Variants in PCDHGB1 observed in about 807,000 individuals in gnomAD.
The protein encoded by PCDHGB1 is protocadherin gamma subfamily B, 1, also known as protocadherin gamma-B1.
Under a neutral mutation model 56.6 loss-of-function variants are expected in PCDHGB1, and 34 were observed. The ratio of observed to expected loss-of-function variants is 0.60; its 90% CI spans 0.46 to 0.80. The LOEUF (loss-of-function observed/expected upper bound fraction) is 0.80, where lower values mean the gene tolerates loss of function less well. Among genes scored for constraint, PCDHGB1 ranks in the 30% least tolerant of loss-of-function variants. The probability of loss-of-function intolerance (pLI) is 0.00; values close to 1 mark genes in which losing one functional copy is unlikely to be tolerated. For missense variants in PCDHGB1, 1,278 were observed against 1,204.6 expected (o/e 1.06, Z -0.90); for synonymous variants, 561 against 505.9 (o/e 1.11, Z -1.46).
chr5:141,478,857 C>A, intron 1 of PCDHGB1: 1 of 1,353,600 alleles, frequency 7.4e-7, no homozygotes, highest in Non-Finnish European at 9.8e-7. Context: ...AACACAAGAT[C>A]TCAGCGATCA....
At chr5:141,510,818 A>C in intron 3 of PCDHGB1, 129 bp from the exon 4 acceptor site, 1 of 1,551,540 alleles carries the variant, frequency 6.4e-7, no homozygotes, top group Non-Finnish European at 8.7e-7. Context: ...TGACCCCTAT[A>C]TTCCCAGTGC....
In PCDHGB1 at chr5:141,352,221, C is replaced by A; in HGVS notation, c.1961C>A (p.Ala654Asp). ...DGGQPPLSAT[A>D]TLHLIFADSL... The stretch of plus-strand genomic sequence containing the variant: ...GGACAGCCGCCACTCTCCGCCACCG[C>A]CACGCTGCACCTAATCTTCGCGGAT... The change falls in exon 1 of 4, where the codon GCC (alanine) becomes GAC (aspartate). Residue 654 changes from alanine to aspartate, a missense_variant. Ala to Asp is a moderately radical substitution (Grantham distance 126). Coordinates refer to ENST00000523390, the MANE Select transcript of PCDHGB1 (RefSeq NM_018922.3). 1 of 1,614,072 alleles carries A rather than the reference C, an allele frequency of 6.2e-7. No individual in the cohort carries two copies. Among genetic ancestry groups the A allele is most frequent in the Non-Finnish European group, 8.5e-7 (1 of 1,179,902 alleles).
intron 1 of PCDHGB1, chr5:141,360,061 T>A: frequency 6.9e-7 from 1 of 1,452,308 alleles, no homozygotes; most frequent in Non-Finnish European, 9.1e-7. Flanking sequence ...GCAGGAAAAG[T>A]GACCTTAGCC....
Position 141,491,302 on chromosome 5 carries a change from T to TC in PCDHGB1, c.2410-3504dup. The TC allele has an allele frequency of 6.2e-7, 1 of 1,614,126 alleles. No individual in the cohort carries two copies. Among genetic ancestry groups the TC allele is most frequent in the Non-Finnish European group, 8.5e-7 (1 of 1,180,000 alleles). On this transcript the variant is annotated intron_variant, in intron 1 of 3. Transcript: ENST00000523390. The surrounding 1 kb of genome is among the most constrained non-coding windows in gnomAD (Gnocchi z 6.9). ...CTTCCTCATACACCCTCCTGAGCGT[T>TC]CAGACCTTACCCTTTACCTCATTGT... is the stretch of plus-strand genomic sequence containing the variant.
chr5:141,353,225 C>T (rs188336761), intron 1 of PCDHGB1, among the ~76,000 whole-genome samples: 4 of 152,266 alleles, frequency 2.6e-5, no homozygotes, highest in East Asian at 3.9e-4. Flanking sequence ...GATGTTAACA[C>T]TTAGTAATAG....
rs777133589 is a variant in PCDHGB1, at chr5:141,390,020, C to G, written c.2409+37351C>G. The stretch of plus-strand genomic sequence containing the variant: ...CCATGATTCTGGCCATTGCCTTGCG[C>G]CTGCGACGCTCCTCCAGCCCCGCCT... On this transcript the variant is annotated intron_variant, in intron 1 of 3. Transcript: ENST00000523390. 4 of 1,613,930 alleles carry G rather than the reference C, an allele frequency of 2.5e-6. No homozygotes were observed. The African/African-American group carries it at 5.3e-5, about 22-fold the overall frequency.
intron 1 of PCDHGB1, among the ~76,000 whole-genome samples, chr5:141,475,629 C>T (rs77593456): frequency 0.054 from 8,157 of 152,234 alleles, 446 homozygotes; most frequent in African/African-American, 0.15. Flanking sequence ...TGGTTCGATC[C>T]CCTTTCTTGT....
Position 141,507,906 on chromosome 5 carries a change from G to A in PCDHGB1, c.2557+2425G>A, listed in dbSNP as rs2099864753. ...AGAGAGGTTCCTGAAGTCCAGCCCA[G>A]CCAGGCCTGTGGGGCTGCTGAGAGG... On this transcript the variant is annotated intron_variant, in intron 3 of 3. Coordinates refer to ENST00000523390, the MANE Select transcript of PCDHGB1 (RefSeq NM_018922.3). Among the ~76,000 whole-genome samples, 4 of 152,216 alleles carry A rather than the reference G, an allele frequency of 2.6e-5. No homozygotes were observed. The South Asian group carries it at 8.3e-4, about 32-fold the overall frequency.
At position 141,408,036 on chromosome 5, in the gene PCDHGB1, A is replaced by G. The variant is rs941133513; in HGVS notation, c.2409+55367A>G. On this transcript the variant is annotated intron_variant, in intron 1 of 3. Coordinates refer to ENST00000523390, the MANE Select transcript of PCDHGB1 (RefSeq NM_018922.3). ...AGCCAACAACAGAAAGAAGAAAACC[A>G]GCTCCCACACAGAGCCTCCCGGCTG... 7.9e-6 allele frequency: 9 copies of G among 1,132,718 alleles called. No individual in the cohort carries two copies. In the African/African-American group the frequency reaches 1.4e-4, roughly 18 times the overall value. The allele number at this position is 1,132,718 out of a possible 1,614,324, so 70.2% of individuals were successfully genotyped here. A position where few individuals can be genotyped will look rare whatever the true frequency, so the allele number is the denominator to read the frequency against.
chr5:141,412,940 T>C, intron 1 of PCDHGB1: 1 of 463,218 alleles, frequency 2.2e-6, no homozygotes, highest in Non-Finnish European at 3.8e-6. Flanking sequence ...CTTAGGACTC[T>C]GAGCGCCGCT....
chr5:141,389,208 G>A (rs762367131), intron 1 of PCDHGB1: 7 of 1,613,930 alleles, frequency 4.3e-6, no homozygotes, highest in Non-Finnish European at 5.9e-6. Context: ...GCACATTGGT[G>A]ATGTAAATGA....
chr5:141,366,073 C>A (rs766163319), intron 1 of PCDHGB1: 1 of 1,614,234 alleles, frequency 6.2e-7, no homozygotes, highest in South Asian at 1.1e-5. Flanking sequence ...CGCCTCGCTC[C>A]GCAGAACCTG....
chr5:141,422,910 C>T (rs756589496), intron 1 of PCDHGB1: 2 of 1,614,252 alleles, frequency 1.2e-6, no homozygotes, highest in South Asian at 1.1e-5. Context: ...ACAATGCGCC[C>T]GAGATCCTGT....
intron 1 of PCDHGB1, among the ~76,000 whole-genome samples, chr5:141,483,021 G>A (rs543104114): frequency 6.6e-6 from 1 of 152,126 alleles, no homozygotes; most frequent in East Asian, 1.9e-4. Context: ...GGAGGCAGAG[G>A]TTGCAATGAG....
Position 141,490,810 on chromosome 5 carries a change from T to C in PCDHGB1, c.2410-3997T>C, listed in dbSNP as rs2099704652. On this transcript the variant is annotated intron_variant, in intron 1 of 3. Transcript: ENST00000523390. This position sits in a 1 kb window ranked among gnomAD's most constrained non-coding sequence, Gnocchi z 5.4. ...GATCTTTGCCCAGCGTACCTTTGAC[T>C]ATGAATTGCTGCAGATGCTGCAGAT... 1 of 1,613,936 alleles carries C rather than the reference T, an allele frequency of 6.2e-7. No individual in the cohort carries two copies. Among genetic ancestry groups the C allele is most frequent in the Non-Finnish European group, 8.5e-7 (1 of 1,179,884 alleles).
In PCDHGB1 at chr5:141,476,836, T is replaced by C. The variant is rs772607917; in HGVS notation, c.2410-17971T>C. On this transcript the variant is annotated intron_variant, in intron 1 of 3. Coordinates refer to ENST00000523390, the MANE Select transcript of PCDHGB1 (RefSeq NM_018922.3). The surrounding 1 kb of genome is among the most constrained non-coding windows in gnomAD (Gnocchi z 7.6). ...TCAAGGTGCTGGACGCGAATGACAATGCGCCTGTCTTCAACCAGTCCTTGT... is the reference window on the plus strand; with the variant it reads ...TCAAGGTGCTGGACGCGAATGACAACGCGCCTGTCTTCAACCAGTCCTTGT... 1.9e-6 allele frequency: 3 copies of C among 1,613,652 alleles called. 1 individual carries two copies. The highest frequency in any genetic ancestry group is 2.2e-5 in the East Asian group (1 of 44,852).
rs2096651086 is a variant in PCDHGB1 at position 141,422,486 on chromosome 5, A to G, written c.2409+69817A>G. Reference sequence around the variant, plus strand: ...GACAGGGAGTTGGTCCAGAGCTACAATATAACGTTGACAGCCACAGACCAG... The same window carrying G: ...GACAGGGAGTTGGTCCAGAGCTACAGTATAACGTTGACAGCCACAGACCAG... On this transcript the variant is annotated intron_variant, in intron 1 of 3. Coordinates refer to ENST00000523390, the MANE Select transcript of PCDHGB1 (RefSeq NM_018922.3). The G allele has an allele frequency of 1.2e-6, 2 of 1,613,852 alleles. No individual in the cohort carries two copies. The highest frequency in any genetic ancestry group is 1.3e-5 in the African/African-American group (1 of 74,924).
rs138463062 is a variant in PCDHGB1 at position 141,485,217 on chromosome 5, C to T, written c.2410-9590C>T. 7,893 of 1,614,092 alleles carry T rather than the reference C, an allele frequency of 4.9e-3. 42 individuals carry two copies. Among genetic ancestry groups the T allele is most frequent in the Admixed American group, 8.8e-3 (531 of 60,030 alleles). On this transcript the variant is annotated intron_variant, in intron 1 of 3. Coordinates refer to ENST00000523390, the MANE Select transcript of PCDHGB1 (RefSeq NM_018922.3). This position sits in a 1 kb window ranked among gnomAD's most constrained non-coding sequence, Gnocchi z 5.7. Reference sequence around the variant, plus strand: ...AGCTGGACAGAAATCTGGCGGTGGGCTACCCTTTTGTTCCTCTTTTACCAC... The same window carrying T: ...AGCTGGACAGAAATCTGGCGGTGGGTTACCCTTTTGTTCCTCTTTTACCAC...
At chr5:141,394,436 C>T in intron 1 of PCDHGB1, 1 of 1,614,234 alleles carries the variant, frequency 6.2e-7, no homozygotes, top group South Asian at 1.1e-5. Context: ...GGGACCCGCC[C>T]CTCAGCAGCA....
Sources: gnomAD v4.1 joint callset for allele counts (sites outside exome capture counted in the v4.1 genomes callset) on GRCh38, gnomAD v4.1.1 for gene constraint, Gnocchi (gnomAD v3.1) non-coding constraint, MANE v1.5 for transcripts, NCBI Gene and HGNC (gene_info 2026-07-23, HGNC 2026-07-21) for gene names.